Variants in PCDHB15 observed in about 807,000 individuals in gnomAD.
PCDHB15 encodes protocadherin beta 15.
For synonymous variants in PCDHB15, 492 were observed against 447.9 expected (o/e 1.10, Z -1.24); for missense variants, 1,032 against 991.7 (o/e 1.04, Z -0.55).
rs781971302 is a variant in PCDHB15, at chr5:141,246,827, TACA to T, written c.1253_1255del (p.Asn418del). On this transcript the variant is annotated inframe_deletion, in exon 1 of 1. Transcript: ENST00000231173. ...GCTGGACAGAGAGACCAGAGCCGAGTACAACATCACCATCACCATCACAGACTT... is the reference window on the plus strand; with the variant it reads ...GCTGGACAGAGAGACCAGAGCCGAGTACATCACCATCACCATCACAGACTT... 3.3e-5 allele frequency: 54 copies of T among 1,613,868 alleles called. No homozygotes were observed. The highest frequency in any genetic ancestry group is 4.3e-5 in the Non-Finnish European group (51 of 1,179,994).
chr5:141,246,742 T>C lies in PCDHB15; in HGVS notation c.1164T>C (p.Asp388=), dbSNP rs1554292000. Residue 388 remains aspartate (D), a synonymous_variant, in exon 1 of 1, where the codon GAT becomes GAC. Transcript: ENST00000231173. The part of the protein sequence containing the change: ...NGKMICSIQD[D]VPFKLKPSVE... ...AAATGATTTGCTCAATTCAGGATGA[T>C]GTTCCTTTTAAGCTAAAACCTTCTG... 3.1e-6 allele frequency: 5 copies of C among 1,613,954 alleles called. No homozygotes were observed. In the South Asian group the frequency reaches 5.5e-5, roughly 18 times the overall value.
chr5:141,245,939 C>T lies in PCDHB15; in HGVS notation c.361C>T (p.Leu121=). ...ACCTTTGGAAGTATTTCGAGCTGAACTACTAGTGACAGACATAAACGATCA... is the reference window on the plus strand; with the variant it reads ...ACCTTTGGAAGTATTTCGAGCTGAATTACTAGTGACAGACATAAACGATCA... ...KKPLEVFRAE[L]LVTDINDHSP... Residue 121 remains leucine (L), a synonymous_variant, in exon 1 of 1, where the codon CTA becomes TTA. Coordinates refer to ENST00000231173, the MANE Select transcript of PCDHB15 (RefSeq NM_018935.4). The T allele has an allele frequency of 1.2e-6, 2 of 1,614,128 alleles. No homozygotes were observed. The highest frequency in any genetic ancestry group is 1.7e-6 in the Non-Finnish European group (2 of 1,179,990).
Position 141,248,920 on chromosome 5 carries a change from T to C in PCDHB15, c.*978T>C, listed in dbSNP as rs548481939. 1.3e-5 allele frequency: 2 copies of C among 152,288 alleles called. No individual in the cohort carries two copies. Among genetic ancestry groups the C allele is most frequent in the South Asian group, 4.1e-4 (2 of 4,826 alleles). The allele number at this position is 152,288 out of a possible 1,614,324, so 9.4% of individuals were successfully genotyped here. Reference sequence around the variant, plus strand: ...ATATGTTGGTGAAGGAGTTGAATTATTTGAGGAAAAAACATCTGCTCTCTT... The same window carrying C: ...ATATGTTGGTGAAGGAGTTGAATTACTTGAGGAAAAAACATCTGCTCTCTT... On this transcript the variant is annotated 3_prime_UTR_variant, in exon 1 of 1. Coordinates refer to ENST00000231173, the MANE Select transcript of PCDHB15 (RefSeq NM_018935.4).
chr5:141,246,120 C>G lies in PCDHB15; in HGVS notation c.542C>G (p.Ser181Cys). The G allele has an allele frequency of 2.5e-6, 4 of 1,614,158 alleles. No individual in the cohort carries two copies. Among genetic ancestry groups the G allele is most frequent in the Non-Finnish European group, 2.5e-6 (3 of 1,180,032 alleles). ...TCTCCCAATTCTCATTTCCATGTTT[C>G]CACTCGCACCCGAGGGGATGGCAGG... ...NISPNSHFHV[S>C]TRTRGDGRKY... The change falls in exon 1 of 1, where the codon TCC becomes TGC. Residue 181 changes from serine (S) to cysteine (C), a missense_variant. Ser to Cys is a moderately radical substitution (Grantham distance 112). Coordinates refer to ENST00000231173, the MANE Select transcript of PCDHB15 (RefSeq NM_018935.4).
rs781985782 is a variant in PCDHB15, at chr5:141,246,268, C to G, written c.690C>G (p.Ile230Met). 3 of 1,614,050 alleles carry G rather than the reference C, an allele frequency of 1.9e-6. No homozygotes were observed. The highest frequency in any genetic ancestry group is 4.5e-5 in the East Asian group (2 of 44,870). Residue 230 changes from isoleucine (I) to methionine (M), a missense_variant, in exon 1 of 1, where the codon ATC (isoleucine) becomes ATG (methionine). Physicochemically the swap from Ile to Met is conservative, Grantham distance 10. Transcript: ENST00000231173. ...PPRSGTVQILILVLDANDNAP... is the reference protein window; with the variant it reads ...PPRSGTVQILMLVLDANDNAP... ...GATCTGGCACCGTCCAGATCCTCAT[C>G]TTGGTCTTGGACGCCAATGACAATG... is the stretch of plus-strand genomic sequence containing the variant.
Position 141,249,049 on chromosome 5 carries a change from A to G in PCDHB15, c.*1107A>G, listed in dbSNP as rs1328786925. On this transcript the variant is annotated 3_prime_UTR_variant, in exon 1 of 1. Transcript: ENST00000231173. ...CCAAGATGTTCCTGCCCTAATCCCCAGAACCTATGAATATGTTATATTGCA... is the reference window on the plus strand; with the variant it reads ...CCAAGATGTTCCTGCCCTAATCCCCGGAACCTATGAATATGTTATATTGCA... 2.0e-5 allele frequency: 3 copies of G among 152,140 alleles called. No homozygotes were observed. Among genetic ancestry groups the G allele is most frequent in the Non-Finnish European group, 4.4e-5 (3 of 68,030 alleles). The allele number at this position is 152,140 out of a possible 1,614,324, so 9.4% of individuals were successfully genotyped here.
In PCDHB15 at chr5:141,247,722, G is replaced by A. The variant is rs1554292313; in HGVS notation, c.2144G>A (p.Arg715Lys). Residue 715 changes from arginine to lysine, a missense_variant, in exon 1 of 1, where the codon AGG becomes AAG. Physicochemically the swap from Arg to Lys is conservative, Grantham distance 26 (BLOSUM62 2). Coordinates refer to ENST00000231173, the MANE Select transcript of PCDHB15 (RefSeq NM_018935.4). ...CTGTTCGTGGCAGTGCGGCTGTGCAGGAGGAGCAGGGCGGCCTCAGTGGGT... is the reference window on the plus strand; with the variant it reads ...CTGTTCGTGGCAGTGCGGCTGTGCAAGAGGAGCAGGGCGGCCTCAGTGGGT... ...VFLFVAVRLCRRSRAASVGRC... is the reference protein window; with the variant it reads ...VFLFVAVRLCKRSRAASVGRC... The A allele has an allele frequency of 2.2e-5, 36 of 1,613,622 alleles. No homozygotes were observed. Among genetic ancestry groups the A allele is most frequent in the Non-Finnish European group, 3.1e-5 (36 of 1,180,028 alleles).
chr5:141,246,925 C>T lies in PCDHB15; in HGVS notation c.1347C>T (p.Pro449=), dbSNP rs782729594. The T allele has an allele frequency of 1.2e-6, 2 of 1,613,566 alleles. No individual in the cohort carries two copies. The highest frequency in any genetic ancestry group is 4.5e-5 in the East Asian group (2 of 44,850). Residue 449 remains proline, a synonymous_variant, in exon 1 of 1, where the codon CCC becomes CCT. Coordinates refer to ENST00000231173, the MANE Select transcript of PCDHB15 (RefSeq NM_018935.4). ...VLVSDVNDNA[P]AFTQTSYTLF... is the part of the protein sequence containing the mutation. The stretch of plus-strand genomic sequence containing the variant: ...TGTCGGACGTCAATGACAACGCCCC[C>T]GCCTTCACCCAAACCTCCTACACCC...
chr5:141,247,682 C>G lies in PCDHB15; in HGVS notation c.2104C>G (p.Leu702Val). The change falls in exon 1 of 1, where the codon CTC (leucine) becomes GTC (valine). Residue 702 changes from leucine to valine, a missense_variant. Coordinates refer to ENST00000231173, the MANE Select transcript of PCDHB15 (RefSeq NM_018935.4). ...VALASVSSLF[L>V]FSVFLFVAVR... ...ATTGGCCTCGGTGTCTTCGCTCTTC[C>G]TCTTCTCGGTGTTCCTGTTCGTGGC... The G allele has an allele frequency of 1.2e-6, 2 of 1,611,002 alleles. No homozygotes were observed. The highest frequency in any genetic ancestry group is 4.5e-5 in the East Asian group (2 of 44,868).
chr5:141,248,022 T>C lies in PCDHB15; in HGVS notation c.*80T>C. On this transcript the variant is annotated 3_prime_UTR_variant, in exon 1 of 1. Transcript: ENST00000231173. ...ACCTTAGTTTTTTTTAACCCTTTAG[T>C]AATCTTGAATTCTACTTTTTTTTAA... 5.2e-6 allele frequency: 7 copies of C among 1,354,682 alleles called. No homozygotes were observed. The highest frequency in any genetic ancestry group is 7.0e-6 in the Non-Finnish European group (7 of 1,002,788). 83.9% of individuals were successfully genotyped at this position (1,354,682 alleles called of 1,614,324 possible). A position where few individuals can be genotyped will look rare whatever the true frequency, so the allele number is the denominator to read the frequency against.
chr5:141,249,008 T>C lies in PCDHB15; in HGVS notation c.*1066T>C, dbSNP rs1554292490. The C allele has an allele frequency of 6.6e-6, 1 of 152,158 alleles. No individual in the cohort carries two copies. The highest frequency in any genetic ancestry group is 1.5e-5 in the Non-Finnish European group (1 of 68,036). The allele number at this position is 152,158 out of a possible 1,614,324, so 9.4% of individuals were successfully genotyped here. The stretch of plus-strand genomic sequence containing the variant: ...GCAGATACTCTAGAATGGTATTGCA[T>C]GCAAAATAATGACCGCCAAGATGTT... On this transcript the variant is annotated 3_prime_UTR_variant, in exon 1 of 1. Coordinates refer to ENST00000231173, the MANE Select transcript of PCDHB15 (RefSeq NM_018935.4).
In PCDHB15 at chr5:141,246,426, A is replaced by G. The variant is rs1755262917; in HGVS notation, c.848A>G (p.Tyr283Cys). 1.2e-6 allele frequency: 2 copies of G among 1,614,156 alleles called. No individual in the cohort carries two copies. Among genetic ancestry groups the G allele is most frequent in the African/African-American group, 1.3e-5 (1 of 75,068 alleles). ...GGAGAGATATCATACTCCCTTTATT[A>G]CAGCTCTCAGGAGATAGACAAACCT... is the stretch of plus-strand genomic sequence containing the variant. Reference protein sequence around the residue: ...TNGEISYSLYYSSQEIDKPFE... With the variant: ...TNGEISYSLYCSSQEIDKPFE... Residue 283 changes from tyrosine (Y) to cysteine (C), a missense_variant, in exon 1 of 1, where the codon TAC (tyrosine) becomes TGC (cysteine). Transcript: ENST00000231173.
Position 141,247,467 on chromosome 5 carries a change from T to C in PCDHB15, c.1889T>C (p.Leu630Pro), listed in dbSNP as rs1290934400. 6.2e-7 allele frequency: 1 copy of C among 1,608,088 alleles called. No homozygotes were observed. The highest frequency in any genetic ancestry group is 8.5e-7 in the Non-Finnish European group (1 of 1,179,698). Residue 630 changes from leucine (L) to proline (P), a missense_variant, in exon 1 of 1, where the codon CTG (leucine) becomes CCG (proline). Coordinates refer to ENST00000231173, the MANE Select transcript of PCDHB15 (RefSeq NM_018935.4). ...HNGEVRTARLLSERDVAKHRL... is the reference protein window; with the variant it reads ...HNGEVRTARLPSERDVAKHRL... Reference sequence around the variant, plus strand: ...GGCGAGGTGCGCACCGCCAGGCTGCTGAGCGAGCGCGACGTGGCCAAGCAC... The same window carrying C: ...GGCGAGGTGCGCACCGCCAGGCTGCCGAGCGAGCGCGACGTGGCCAAGCAC...
At position 141,247,023 on chromosome 5, in the gene PCDHB15, C is replaced by T; in HGVS notation, c.1445C>T (p.Thr482Ile). 1 of 1,613,590 alleles carries T rather than the reference C, an allele frequency of 6.2e-7. No individual in the cohort carries two copies. The highest frequency in any genetic ancestry group is 8.5e-7 in the Non-Finnish European group (1 of 1,180,020). The change falls in exon 1 of 1, where the codon ACC (threonine) becomes ATC (isoleucine). Residue 482 changes from threonine to isoleucine, a missense_variant. Transcript: ENST00000231173. ...AGCGCCACAGACAGAGACTCGGGCA[C>T]CAACGCCCAGGTCACCTACTCGCTG... is the stretch of plus-strand genomic sequence containing the variant. ...SVSATDRDSG[T>I]NAQVTYSLLP... is the part of the protein sequence containing the mutation.
chr5:141,247,238 G>A lies in PCDHB15; in HGVS notation c.1660G>A (p.Ala554Thr), dbSNP rs1196022829. 3 of 1,611,792 alleles carry A rather than the reference G, an allele frequency of 1.9e-6. No homozygotes were observed. The highest frequency in any genetic ancestry group is 2.2e-5 in the East Asian group (1 of 44,870). ...GCTGGTGCGAGTGCTGGTGCTGGAC[G>A]CCAACGACAACTCGCCCTTCGTGCT... ...EALVRVLVLD[A>T]NDNSPFVLYP... Residue 554 changes from alanine to threonine, a missense_variant, in exon 1 of 1, where the codon GCC becomes ACC. Transcript: ENST00000231173.
Position 141,245,438 on chromosome 5 carries a change from G to T in PCDHB15, c.-141G>T. The T allele has an allele frequency of 1.4e-6, 1 of 695,006 alleles. No homozygotes were observed. The highest frequency in any genetic ancestry group is 1.9e-5 in the South Asian group (1 of 51,930). The allele number at this position is 695,006 out of a possible 1,614,324, so 43.1% of individuals were successfully genotyped here. On this transcript the variant is annotated 5_prime_UTR_variant, in exon 1 of 1. Transcript: ENST00000231173. ...GAGGAAAGCCTGTTAGCAGAGCACG[G>T]ACCAGTGTCTCCGGAGAATGCTATT...
Position 141,246,063 on chromosome 5 carries a change from T to C in PCDHB15, c.485T>C (p.Val162Ala). 1 of 1,614,150 alleles carries C rather than the reference T, an allele frequency of 6.2e-7. No homozygotes were observed. The highest frequency in any genetic ancestry group is 8.5e-7 in the Non-Finnish European group (1 of 1,180,040). The change falls in exon 1 of 1, where the codon GTG becomes GCG. Residue 162 changes from valine (V) to alanine (A), a missense_variant. Physicochemically the swap from Val to Ala is moderately conservative, Grantham distance 64. Coordinates refer to ENST00000231173, the MANE Select transcript of PCDHB15 (RefSeq NM_018935.4). ...FPLKKARDLDVGSNNVQNYNI... is the reference protein window; with the variant it reads ...FPLKKARDLDAGSNNVQNYNI... Reference sequence around the variant, plus strand: ...CTGAAAAAAGCTCGGGACTTGGACGTGGGCAGCAATAATGTTCAAAACTAC... The same window carrying C: ...CTGAAAAAAGCTCGGGACTTGGACGCGGGCAGCAATAATGTTCAAAACTAC...
In PCDHB15 at chr5:141,248,740, C is replaced by A. The variant is rs572872984; in HGVS notation, c.*798C>A. On this transcript the variant is annotated 3_prime_UTR_variant, in exon 1 of 1. Coordinates refer to ENST00000231173, the MANE Select transcript of PCDHB15 (RefSeq NM_018935.4). Reference sequence around the variant, plus strand: ...TCTTTTCACAGCAGGAAAATCTTAACGAGTTCCAAATTCTGGGCTTAGAGG... The same window carrying A: ...TCTTTTCACAGCAGGAAAATCTTAAAGAGTTCCAAATTCTGGGCTTAGAGG... 6.6e-6 allele frequency: 1 copy of A among 152,094 alleles called. No individual in the cohort carries two copies. Among genetic ancestry groups the A allele is most frequent in the Non-Finnish European group, 1.5e-5 (1 of 68,026 alleles). 9.4% of individuals were successfully genotyped at this position (152,094 alleles called of 1,614,324 possible).
chr5:141,245,501 G>C lies in PCDHB15; in HGVS notation c.-78G>C. ...CGAACAGGTTATCAACGCACAGATC[G>C]ATCACTGCCTCTGTCCCATCGCTCC... On this transcript the variant is annotated 5_prime_UTR_variant, in exon 1 of 1. Coordinates refer to ENST00000231173, the MANE Select transcript of PCDHB15 (RefSeq NM_018935.4). The C allele has an allele frequency of 8.0e-7, 1 of 1,252,870 alleles. No individual in the cohort carries two copies. The allele number at this position is 1,252,870 out of a possible 1,614,324, so 77.6% of individuals were successfully genotyped here. A position where few individuals can be genotyped will look rare whatever the true frequency, so the allele number is the denominator to read the frequency against.
Sources: gnomAD v4.1 joint callset for allele counts on GRCh38, gnomAD v4.1.1 for gene constraint, MANE v1.5 for transcripts, NCBI Gene and HGNC (gene_info 2026-07-23, HGNC 2026-07-21) for gene names.